The following BAIAP2 variants were observed in gnomAD, a reference collection of about 807,000 sequenced individuals.
BAIAP2 encodes the protein BAR/IMD domain-containing adapter protein 2.
Under a neutral mutation model 63.0 loss-of-function variants are expected in BAIAP2, and 18 were observed. The ratio of observed to expected loss-of-function variants is 0.29; its 90% CI spans 0.20 to 0.42. The LOEUF (loss-of-function observed/expected upper bound fraction) is 0.42. Among genes scored for constraint, BAIAP2 ranks in the 10% least tolerant of loss-of-function variants. BAIAP2 has a pLI of 1.00. For missense variants in BAIAP2, 610 were observed against 734.3 expected (o/e 0.83, Z 1.96); for synonymous variants, 386 against 307.6 (o/e 1.25, Z -2.67).
At chr17:81,105,710 CAGG>C (rs1568183454) in intron 10 of BAIAP2, 2 of 226,044 alleles carry the variant, frequency 8.8e-6, no homozygotes, top group Non-Finnish European at 1.8e-5. Context: ...GGGGGTCTCC[CAGG>C]AGGCTGCTCC....
At chr17:81,097,998 CCCGGGTG>C in intron 6 of BAIAP2, 1 of 814,626 alleles carries the variant, frequency 1.2e-6, no homozygotes, top group South Asian at 6.2e-5. Context: ...AATCGGGAAC[CCCGGGTG>C]CCGGGTGTCA....
intron 13 of BAIAP2, chr17:81,110,463 T>C: frequency 1.7e-5 from 17 of 1,002,388 alleles, no homozygotes; most frequent in Non-Finnish European, 2.0e-5. Context: ...AAAATCTGAA[T>C]TGTGCCCTGT....
At chr17:81,055,574 G>GTTGTTTTTTTTTGTTTTTTTTTT (rs2049367558) in intron 2 of BAIAP2, among the ~76,000 whole-genome samples, 2 of 123,406 alleles carry the variant, frequency 1.6e-5, no homozygotes, top group Non-Finnish European at 1.7e-5. Flanking sequence ...AGGGTGTTTT[G>GTTGTTTTTTTTTGTTTTTTTTTT]TTTTTTTTTG....
At chr17:81,084,002 C>G (rs2145240943) in intron 3 of BAIAP2, 1 of 152,362 alleles carries the variant, frequency 6.6e-6, no homozygotes, top group East Asian at 1.9e-4. Context: ...TGGGGCTGCC[C>G]CCCCGCAGGT....
chr17:81,096,547 T>C (rs1250649221), intron 6 of BAIAP2, among the ~76,000 whole-genome samples: 1 of 146,884 alleles, frequency 6.8e-6, no homozygotes, highest in Non-Finnish European at 1.5e-5. Flanking sequence ...GGTGTTGGTC[T>C]GAGTGGTGTT....
chr17:81,101,195 A>T (rs1298569372), intron 7 of BAIAP2, among the ~76,000 whole-genome samples: 1 of 152,080 alleles, frequency 6.6e-6, no homozygotes, highest in Non-Finnish European at 1.5e-5. Flanking sequence ...TTGTGGGGGA[A>T]TCCCGCCCTG....
chr17:81,048,860 G>A (rs2048229005), intron 1 of BAIAP2, among the ~76,000 whole-genome samples: 2 of 152,208 alleles, frequency 1.3e-5, no homozygotes, highest in Non-Finnish European at 2.9e-5. Context: ...CAAGCGTGCG[G>A]GCATCCCTGG....
chr17:81,109,390 AAAAAAG>A (rs1307626123), intron 13 of BAIAP2: 2 of 950,880 alleles, frequency 2.1e-6, no homozygotes, highest in Non-Finnish European at 2.5e-6. Flanking sequence ...AAAAAAAAAA[AAAAAAG>A]AAAAAAAGAA....
chr17:81,111,638 C>A (rs2059940565), intron 13 of BAIAP2, among the ~76,000 whole-genome samples: 1 of 152,248 alleles, frequency 6.6e-6, no homozygotes, highest in Non-Finnish European at 1.5e-5. Context: ...GGGTCCAATT[C>A]CAGTGGGACT....
intron 1 of BAIAP2, among the ~76,000 whole-genome samples, chr17:81,050,469 C>A (rs191284991): frequency 7.2e-5 from 11 of 152,320 alleles, no homozygotes; most frequent in Admixed American, 7.2e-4. Context: ...CCGTGCTGAC[C>A]CGCCGTGGTT....
chr17:81,109,984 T>A, intron 13 of BAIAP2: 3 of 985,434 alleles, frequency 3.0e-6, no homozygotes, highest in Non-Finnish European at 3.6e-6. Context: ...CGGTTCTTCC[T>A]AAACGCTCTC....
intron 6 of BAIAP2, among the ~76,000 whole-genome samples, chr17:81,095,015 G>C (rs1304558539): frequency 6.6e-6 from 1 of 152,252 alleles, no homozygotes; most frequent in Non-Finnish European, 1.5e-5. Flanking sequence ...ATGCTGCGGA[G>C]AGGAGAGATG....
At chr17:81,100,219 T>C in intron 7 of BAIAP2, 139 bp downstream of exon 7, 5 of 1,264,948 alleles carry the variant, frequency 4.0e-6, no homozygotes, top group Non-Finnish European at 5.2e-6. Flanking sequence ...CGGGTTTTCT[T>C]GGGGGTGAAG....
intron 6 of BAIAP2, among the ~76,000 whole-genome samples, chr17:81,089,957 C>A (rs1478647450): frequency 6.6e-6 from 1 of 152,154 alleles, no homozygotes; most frequent in Non-Finnish European, 1.5e-5. Flanking sequence ...CTCCCAGGGC[C>A]CCTCCTGGGA....
chr17:81,079,819 C>T (rs979243359), intron 3 of BAIAP2, among the ~76,000 whole-genome samples: 1 of 152,156 alleles, frequency 6.6e-6, no homozygotes, highest in Non-Finnish European at 1.5e-5. Flanking sequence ...GTGGACCAGA[C>T]GTGGGCCTCC....
rs540581363 is a variant in BAIAP2 at position 81,086,054 on chromosome 17, G to A, written c.351+329G>A. Among the ~76,000 whole-genome samples the A allele has an allele frequency of 3.3e-5, 5 of 152,152 alleles. No individual in the cohort carries two copies. In the East Asian group the frequency reaches 7.8e-4, roughly 24 times the overall value. Reference sequence around the variant, plus strand: ...GGCCTCTGCAGTTCCCTGGGCTCTCGGCCCGTCCTGCCCCACCGCCACTCC... The same window carrying A: ...GGCCTCTGCAGTTCCCTGGGCTCTCAGCCCGTCCTGCCCCACCGCCACTCC... On this transcript the variant is annotated intron_variant, in intron 5 of 13. Coordinates refer to ENST00000428708, the MANE Select transcript of BAIAP2 (RefSeq NM_001144888.2).
intron 3 of BAIAP2, among the ~76,000 whole-genome samples, chr17:81,074,205 TG>T (rs2053218310): frequency 6.6e-6 from 1 of 152,168 alleles, no homozygotes; most frequent in Non-Finnish European, 1.5e-5. Flanking sequence ...GCTGCAGTAT[TG>T]GGGGCAGGGG....
chr17:81,058,651 G>A (rs971066770), intron 3 of BAIAP2, among the ~76,000 whole-genome samples: 2 of 152,204 alleles, frequency 1.3e-5, no homozygotes, highest in African/African-American at 4.8e-5. Context: ...AGCTGTGGCC[G>A]GCAGAGCGGC....
At chr17:81,084,730 G>A in intron 3 of BAIAP2, 102 bp from the exon 4 acceptor site, 1 of 1,193,090 alleles carries the variant, frequency 8.4e-7, no homozygotes, top group Non-Finnish European at 1.2e-6. Context: ...GCTGCCTGTG[G>A]TCACAGGGCT....
Sources: allele counts gnomAD v4.1 joint callset (sites outside exome capture counted in the v4.1 genomes callset), GRCh38; gene constraint gnomAD v4.1.1; transcripts MANE v1.5; gene names NCBI Gene and HGNC (gene_info 2026-07-23, HGNC 2026-07-21).